The following DPP6 variants were observed in gnomAD, a reference collection of about 807,000 sequenced individuals.
The protein encoded by DPP6 is A-type potassium channel modulatory protein DPP6.
DPP6 carries 69 observed loss-of-function variants against 122.6 expected under a neutral mutation model. That is an observed-to-expected ratio of 0.56 (90% CI 0.46 to 0.69). The LOEUF (loss-of-function observed/expected upper bound fraction) is 0.69, where lower values mean the gene tolerates loss of function less well. Ranked by LOEUF, DPP6 falls within the 30% of genes least tolerant of loss-of-function variation. DPP6 has a pLI of 0.00. For synonymous variants in DPP6, 418 were observed against 433.1 expected, an observed-to-expected ratio of 0.97 and a Z score of 0.43; for missense variants, 928 against 1,116.9, an observed-to-expected ratio of 0.83 and a Z score of 2.41.
chr7:154,307,198 A>C (rs1806424954), intron 1 of DPP6, among the ~76,000 whole-genome samples: 1 of 152,138 alleles, frequency 6.6e-6, no homozygotes. Context: ...CTGATACCTG[A>C]GCATGCCAGG....
At chr7:154,317,292 T>C (rs10215729) in intron 1 of DPP6, among the ~76,000 whole-genome samples, 116,474 of 151,660 alleles carry the variant, frequency 0.77, 45,128 homozygotes, top group African/African-American at 0.87. Context: ...GTCAGGAGAT[T>C]GAGACCATCC....
chr7:153,981,227 C>T (rs923935278), intron 1 of DPP6, among the ~76,000 whole-genome samples: 2 of 152,286 alleles, frequency 1.3e-5, no homozygotes, highest in Non-Finnish European at 2.9e-5. Flanking sequence ...AATCTGGGTG[C>T]TCCTGTATTG....
chr7:154,246,440 C>A (rs946213778), intron 1 of DPP6, among the ~76,000 whole-genome samples: 1 of 151,828 alleles, frequency 6.6e-6, no homozygotes, highest in African/African-American at 2.4e-5. Flanking sequence ...TGAAGAGATT[C>A]GATATTATCA....
At chr7:154,890,806 T>C (rs1453512676) in intron 25 of DPP6, 1 of 152,206 alleles carries the variant, frequency 6.6e-6, no homozygotes, top group Non-Finnish European at 1.5e-5. Flanking sequence ...CCTCTTGTAC[T>C]ACTTGATGTT....
At chr7:153,813,631 C>G in the DPP6 span, among the ~76,000 whole-genome samples, 1 of 152,056 alleles carries the variant, frequency 6.6e-6, no homozygotes, top group African/African-American at 2.4e-5. Flanking sequence ...AACTAGTTTA[C>G]AGTCCCACCA....
intron 1 of DPP6, among the ~76,000 whole-genome samples, chr7:154,382,140 C>G (rs1813678008): frequency 6.7e-6 from 1 of 149,192 alleles, no homozygotes; most frequent in African/African-American, 2.5e-5. Flanking sequence ...AAGTGAGCCG[C>G]AGATGCAGGT....
At chr7:154,826,801 C>T (rs1457411211) in intron 16 of DPP6, among the ~76,000 whole-genome samples, 2 of 152,330 alleles carry the variant, frequency 1.3e-5, no homozygotes, top group East Asian at 1.9e-4. Context: ...AAAATAGTCA[C>T]ATGCAGAGAA....
rs1467764549 is a variant in DPP6 at position 154,481,054 on chromosome 7, AG to A, written c.457+6020del. 6.6e-6 allele frequency among the ~76,000 whole-genome samples: 1 copy of A among 152,114 alleles called. No homozygotes were observed. Among genetic ancestry groups the A allele is most frequent in the East Asian group, 1.9e-4 (1 of 5,170 alleles). ...GGCATCAGTCCACTCGGAGGGTTGG[AG>A]GGCTGGACTCAAGCCCAGCAGCAGC... On this transcript the variant is annotated intron_variant, in intron 3 of 25. Transcript: ENST00000377770. The surrounding 1 kb of genome is among the most constrained non-coding windows in gnomAD (Gnocchi z 4.2).
chr7:154,229,111 A>G (rs1390577112), intron 1 of DPP6, among the ~76,000 whole-genome samples: 8 of 152,106 alleles, frequency 5.3e-5, no homozygotes. Flanking sequence ...CTCTCTCATA[A>G]TAACACATTA....
At chr7:154,150,991 G>A (rs539496861) in intron 1 of DPP6, among the ~76,000 whole-genome samples, 7 of 152,256 alleles carry the variant, frequency 4.6e-5, no homozygotes, top group East Asian at 1.9e-4. Context: ...CCGGGACTCC[G>A]TGATCTTGTC....
intron 1 of DPP6, among the ~76,000 whole-genome samples, chr7:154,304,227 G>A (rs1440234938): frequency 6.6e-6 from 1 of 152,214 alleles, no homozygotes; most frequent in Non-Finnish European, 1.5e-5. Context: ...GCCACATGCT[G>A]GCCTGGAGTG....
At chr7:154,772,053 G>A (rs1219526754) in intron 9 of DPP6, among the ~76,000 whole-genome samples, 1 of 152,124 alleles carries the variant, frequency 6.6e-6, no homozygotes, top group Admixed American at 6.6e-5. Flanking sequence ...ATCCAGTAGG[G>A]TGCCCTTGAT....
intron 1 of DPP6, among the ~76,000 whole-genome samples, chr7:153,971,752 G>GAT (rs1275364464): frequency 7.0e-6 from 1 of 143,040 alleles, no homozygotes; most frequent in Non-Finnish European, 1.5e-5. Context: ...GGTCCCATAG[G>GAT]ACTGTGCTGC....
chr7:154,510,803 A>G (rs536536123), intron 3 of DPP6, among the ~76,000 whole-genome samples: 1 of 152,108 alleles, frequency 6.6e-6, no homozygotes, highest in East Asian at 1.9e-4. Context: ...AAAAACCACT[A>G]AATTATATAC....
At position 154,189,037 on chromosome 7, in the gene DPP6, C is replaced by T. The variant is rs117152826; in HGVS notation, c.243+135974C>T. On this transcript the variant is annotated intron_variant, in intron 1 of 25. Coordinates refer to ENST00000377770, the MANE Select transcript of DPP6 (RefSeq NM_130797.4). ...CTGGGTGTTTGTGTTCTTTGCAGCTCTGACCAGGTAAGACTAGTTGTCTAT... is the reference window on the plus strand; with the variant it reads ...CTGGGTGTTTGTGTTCTTTGCAGCTTTGACCAGGTAAGACTAGTTGTCTAT... Among the ~76,000 whole-genome samples the T allele has an allele frequency of 4.3e-4, 66 of 152,312 alleles. No individual in the cohort carries two copies. In the East Asian group the frequency reaches 0.012, roughly 28 times the overall value.
intron 1 of DPP6, among the ~76,000 whole-genome samples, chr7:154,169,094 C>A (rs1441537044): frequency 1.1e-5 from 1 of 93,564 alleles, no homozygotes; most frequent in African/African-American, 2.6e-5. Context: ...TCTGATTGCG[C>A]TGCTGGCTTC....
At chr7:154,034,121 AAC>A (rs1310816621) in intron 1 of DPP6, among the ~76,000 whole-genome samples, 5 of 152,216 alleles carry the variant, frequency 3.3e-5, no homozygotes, top group Non-Finnish European at 7.3e-5. Flanking sequence ...CCAACTAAAT[AAC>A]ACATATTTTT....
chr7:154,146,840 C>CTGGGTGCACTTCCTCCCTGCTCCCG (rs1188238595), intron 1 of DPP6, among the ~76,000 whole-genome samples: 3 of 151,990 alleles, frequency 2.0e-5, no homozygotes, highest in East Asian at 1.9e-4. Flanking sequence ...CCCTGCTCCC[C>CTGGGTGCACTTCCTCCCTGCTCCCG]TGGGTGCACT....
chr7:154,725,564 T>C (rs1842024733), intron 7 of DPP6, among the ~76,000 whole-genome samples: 1 of 152,152 alleles, frequency 6.6e-6, no homozygotes, highest in South Asian at 2.1e-4. Flanking sequence ...TCCACCCCCA[T>C]GATCCATTCA....
Sources: gnomAD v4.1 joint callset for allele counts (sites outside exome capture counted in the v4.1 genomes callset) on GRCh38, gnomAD v4.1.1 for gene constraint, Gnocchi (gnomAD v3.1) non-coding constraint, MANE v1.5 for transcripts, NCBI Gene and HGNC (gene_info 2026-07-23, HGNC 2026-07-21) for gene names.